The following PAH variants were observed in gnomAD, a reference collection of about 807,000 sequenced individuals.
PAH encodes the protein phenylalanine-4-hydroxylase.
PAH carries 64 observed loss-of-function variants against 62.0 expected under a neutral mutation model. That is an observed-to-expected ratio of 1.03 (90% CI 0.84 to 1.27). PAH has a LOEUF of 1.27. Among genes scored for constraint, PAH ranks in the 50% most tolerant of loss-of-function variants. The pLI is 0.00. For synonymous variants in PAH, 195 were observed against 196.2 expected, an observed-to-expected ratio of 0.99 and a Z score of 0.05; for missense variants, 579 against 542.8, an observed-to-expected ratio of 1.07 and a Z score of -0.66.
intron 7 of PAH, 120 bp from the exon 8 acceptor site, chr12:102,851,876 C>T (rs1875169226): frequency 1.3e-6 from 1 of 752,636 alleles, no homozygotes; most frequent in Non-Finnish European, 2.3e-6. Flanking sequence ...GCTTATGATC[C>T]CTCTCCCAGG....
chr12:102,845,182 T>TC (rs1874782083), intron 9 of PAH, among the ~76,000 whole-genome samples: 1 of 152,214 alleles, frequency 6.6e-6, no homozygotes, highest in Non-Finnish European at 1.5e-5. Flanking sequence ...GTGTCCTGTG[T>TC]CTCACTCTAT....
Position 102,881,360 on chromosome 12 carries a change from T to C in PAH, c.353-3810A>G, listed in dbSNP as rs150391322. Among the ~76,000 whole-genome samples, 340 of 151,790 alleles carry C rather than the reference T, an allele frequency of 2.2e-3. 2 individuals carry two copies. Among genetic ancestry groups the C allele is most frequent in the African/African-American group, 7.6e-3 (314 of 41,454 alleles). On this transcript the variant is annotated intron_variant, in intron 3 of 12. Coordinates refer to ENST00000553106, the MANE Select transcript of PAH (RefSeq NM_000277.3). ...CATATATATTTATATTATAAAATTA[T>C]AAATACAATGTAATTATTTAATAAA...
At chr12:102,911,495 T>TGTG (rs1385904734) in intron 2 of PAH, among the ~76,000 whole-genome samples, 1 of 152,174 alleles carries the variant, frequency 6.6e-6, no homozygotes, top group Non-Finnish European at 1.5e-5. Flanking sequence ...CCTCTAAGCA[T>TGTG]CAGTTTCTAT....
At chr12:102,928,909 GA>G (rs1387925627) in intron 1 of PAH, among the ~76,000 whole-genome samples, 1 of 152,124 alleles carries the variant, frequency 6.6e-6, no homozygotes, top group African/African-American at 2.4e-5. Flanking sequence ...CTGCCTTCCT[GA>G]GTTTATGTTT....
intron 1 of PAH, among the ~76,000 whole-genome samples, chr12:102,935,817 T>C (rs1198208167): frequency 2.4e-4 from 36 of 152,034 alleles, no homozygotes; most frequent in Non-Finnish European, 7.4e-5. Flanking sequence ...TTTGCTGATT[T>C]TGTTTACCTT....
chr12:102,843,705 C>A lies in PAH; in HGVS notation c.1140G>T (p.Thr380=), dbSNP rs373763334. 16 of 1,613,638 alleles carry A rather than the reference C, an allele frequency of 9.9e-6. No homozygotes were observed. The highest frequency in any genetic ancestry group is 1.4e-5 in the Non-Finnish European group (16 of 1,179,668). ...CCACGTAATAGAGGGGCTGGAACTC[C>A]GTGACAGTGTAATTTTGGATGGCTG... is the stretch of plus-strand genomic sequence containing the variant. ...EKTAIQNYTV[T]EFQPLYYVAE... The change falls in exon 11 of 13, where the codon ACG becomes ACT. Residue 380 remains threonine, a synonymous_variant. Coordinates refer to ENST00000553106, the MANE Select transcript of PAH (RefSeq NM_000277.3).
chr12:102,956,381 C>T (rs1220860814), intron 1 of PAH, among the ~76,000 whole-genome samples: 2 of 152,212 alleles, frequency 1.3e-5, no homozygotes, highest in Non-Finnish European at 2.9e-5. Flanking sequence ...GGGCCGAAGG[C>T]CCAGGAAGGA....
intron 1 of PAH, among the ~76,000 whole-genome samples, chr12:102,956,870 G>C (rs561413606): frequency 2.6e-5 from 4 of 152,096 alleles, no homozygotes; most frequent in Admixed American, 2.6e-4. Flanking sequence ...CAGTTATGGG[G>C]AGCACATCCT....
rs199475593 is a variant in PAH, at chr12:102,843,647, T to G, written c.1198A>C (p.Arg400=). The G allele has an allele frequency of 1.9e-6, 3 of 1,613,528 alleles. No homozygotes were observed. Among genetic ancestry groups the G allele is most frequent in the African/African-American group, 1.3e-5 (1 of 74,848 alleles). The change falls in exon 11 of 13, where the codon AGG becomes CGG. Residue 400 remains arginine, a splice_region_variant and synonymous_variant. Transcript: ENST00000553106. The part of the protein sequence containing the change: ...ESFNDAKEKV[R]NFAATIPRPF... ...GGCTCACCTTTGTCACCACCTCACC[T>G]TACTTTCTCCTTGGCATCATTAAAA... is the stretch of plus-strand genomic sequence containing the variant.
At position 102,933,255 on chromosome 12, in the gene PAH, C is replaced by T. The variant is rs2264622; in HGVS notation, c.-95-16030G>A. Among the ~76,000 whole-genome samples the T allele has an allele frequency of 2.7e-4, 41 of 152,260 alleles. No individual in the cohort carries two copies. The Middle Eastern group carries it at 0.017, about 63-fold the overall frequency. On this transcript the variant is annotated intron_variant, in intron 1 of 3. Coordinates refer to the PAH transcript ENST00000546844. ...TTGTCTTTCTGTTCCTGGCTTATTT[C>T]GTTTAACATAATGACCTCCAGTTCC...
At chr12:102,919,241 C>T (rs998480010), upstream of PAH, among the ~76,000 whole-genome samples, 1 of 152,158 alleles carries the variant, frequency 6.6e-6, no homozygotes, top group Admixed American at 6.5e-5. Flanking sequence ...TTTAGGACAA[C>T]AAAATGATAG....
chr12:102,912,193 A>G (rs1057146212), intron 2 of PAH, among the ~76,000 whole-genome samples: 11 of 152,220 alleles, frequency 7.2e-5, no homozygotes, highest in African/African-American at 2.7e-4. Flanking sequence ...CAGGTAAAAT[A>G]ATATGCCCGA....
At chr12:102,911,800 A>T (rs1375288163) in intron 2 of PAH, among the ~76,000 whole-genome samples, 2 of 152,214 alleles carry the variant, frequency 1.3e-5, no homozygotes, top group Admixed American at 1.3e-4. Flanking sequence ...TGTTGATTGC[A>T]TGCCCAAACA....
chr12:102,885,151 GA>G (rs1876979179), intron 3 of PAH, among the ~76,000 whole-genome samples: 1 of 152,206 alleles, frequency 6.6e-6, no homozygotes, highest in African/African-American at 2.4e-5. Flanking sequence ...AAAGGTGCTT[GA>G]AGAAGATCCC....
intron 3 of PAH, among the ~76,000 whole-genome samples, chr12:102,891,597 G>A (rs1877276827): frequency 6.6e-6 from 1 of 152,194 alleles, no homozygotes; most frequent in Non-Finnish European, 1.5e-5. Flanking sequence ...CTTCACTTGT[G>A]TGATTTCACC....
At chr12:102,851,468 C>T (rs1487256319) in intron 8 of PAH, among the ~76,000 whole-genome samples, 1 of 152,134 alleles carries the variant, frequency 6.6e-6, no homozygotes, top group Non-Finnish European at 1.5e-5. Flanking sequence ...GAAGAACACA[C>T]ATATGATTCA....
upstream of PAH, among the ~76,000 whole-genome samples, chr12:102,918,942 A>G (rs1498691): frequency 0.43 from 65,748 of 152,042 alleles, 16,555 homozygotes; most frequent in African/African-American, 0.69. Context: ...GAATGTGACA[A>G]CTCCAAAAAT....
intron 4 of PAH, 78 bp downstream of exon 4, chr12:102,877,384 A>G: frequency 9.9e-7 from 1 of 1,008,698 alleles, no homozygotes; most frequent in Non-Finnish European, 1.6e-6. Context: ...CATTGCTCCA[A>G]GTAGAGAAGG....
chr12:102,847,751 G>A (rs959687078), intron 8 of PAH, among the ~76,000 whole-genome samples: 1 of 152,184 alleles, frequency 6.6e-6, no homozygotes, highest in Non-Finnish European at 1.5e-5. Context: ...TTTAAATAGG[G>A]TTCCAGGGTA....
Sources: gnomAD v4.1 joint callset for allele counts (sites outside exome capture counted in the v4.1 genomes callset) on GRCh38, gnomAD v4.1.1 for gene constraint, MANE v1.5 for transcripts, NCBI Gene and HGNC (gene_info 2026-07-23, HGNC 2026-07-21) for gene names.